Variants in RRP12 observed in about 807,000 individuals in gnomAD.
The protein encoded by RRP12 is ribosomal RNA processing 12 homolog, also known as RRP12-like protein.
A neutral mutation model predicts 157.3 loss-of-function variants in RRP12; 78 were observed. That is an observed-to-expected ratio of 0.50 (90% CI 0.41 to 0.60). RRP12 has a LOEUF of 0.60. Among genes scored for constraint, RRP12 ranks in the 20% least tolerant of loss-of-function variants. The pLI is 0.00. For synonymous variants in RRP12, 726 were observed against 670.9 expected, an observed-to-expected ratio of 1.08 and a Z score of -1.27; for missense variants, 1,521 against 1,679.9, an observed-to-expected ratio of 0.91 and a Z score of 1.65.
chr10:97,394,592 A>G (rs1162490510), intron 3 of RRP12, among the ~76,000 whole-genome samples: 1 of 152,050 alleles, frequency 6.6e-6, no homozygotes, highest in Non-Finnish European at 1.5e-5. Context: ...GTCCCACTAT[A>G]TTGCACAGGC....
chr10:97,381,630 G>A, intron 11 of RRP12, 85 bp downstream of exon 11: 1 of 1,310,976 alleles, frequency 7.6e-7, no homozygotes, highest in Non-Finnish European at 1.1e-6. Context: ...GGCCCGAGCT[G>A]GTAGCCTGGG....
rs1845017413 is a variant in RRP12, at chr10:97,397,994, T to C, written c.370-1693A>G. Among the ~76,000 whole-genome samples, 2 of 20,392 alleles carry C rather than the reference T, an allele frequency of 9.8e-5. 1 individual carries two copies. Among genetic ancestry groups the C allele is most frequent in the South Asian group, 3.1e-3 (2 of 642 alleles). The allele number at this position is 20,392 out of a possible 152,430, so 13.4% of individuals were successfully genotyped here. Reference sequence around the variant, plus strand: ...ACAAAATTGGGTAAAAAAAAATACGTATATATATATACATATATATATATA... The same window carrying C: ...ACAAAATTGGGTAAAAAAAAATACGCATATATATATACATATATATATATA... On this transcript the variant is annotated intron_variant, in intron 2 of 33. Transcript: ENST00000370992.
chr10:97,381,292 G>T, intron 12 of RRP12, 94 bp downstream of exon 12: 1 of 907,860 alleles, frequency 1.1e-6, no homozygotes, highest in Non-Finnish European at 1.7e-6. Flanking sequence ...CTGCAGGCCT[G>T]GCCCACAGTA....
intron 33 of RRP12, 51 bp downstream of exon 33, chr10:97,358,486 C>T (rs1000747209): frequency 2.9e-6 from 4 of 1,381,460 alleles, no homozygotes; most frequent in East Asian, 4.6e-5. Flanking sequence ...ACTCTGCTCC[C>T]TCATCCCCAC....
chr10:97,382,802 C>G (rs781730929), intron 10 of RRP12, among the ~76,000 whole-genome samples: 2 of 151,712 alleles, frequency 1.3e-5, no homozygotes, highest in Non-Finnish European at 2.9e-5. Flanking sequence ...CACCCTGTCA[C>G]CCAGGCTGGA....
At chr10:97,372,210 A>G (rs1300805432) in intron 19 of RRP12, 44 bp from the exon 20 acceptor site, 1 of 1,501,160 alleles carries the variant, frequency 6.7e-7, no homozygotes, top group Non-Finnish European at 9.2e-7. Flanking sequence ...GGAGCTGGAG[A>G]AGGGCGCAGA....
In RRP12 at chr10:97,385,160, C is replaced by T. The variant is rs749554878; in HGVS notation, c.1208+6G>A. On this transcript the variant is annotated splice_donor_region_variant and intron_variant, in intron 10 of 33. Transcript: ENST00000370992. ...GAGGCCCTAAGCACCCCTCCTTCAT[C>T]CGTACCTCACCAGGTTGATGTGGGC... 18 of 1,610,710 alleles carry T rather than the reference C, an allele frequency of 1.1e-5. No individual in the cohort carries two copies. The African/African-American group carries it at 2.1e-4, about 19-fold the overall frequency.
At chr10:97,390,881 C>A (rs376278639) in intron 4 of RRP12, 37 bp from the exon 5 acceptor site, 18 of 1,373,100 alleles carry the variant, frequency 1.3e-5, no homozygotes, top group Non-Finnish European at 1.9e-5. Flanking sequence ...CCCAGAGGGT[C>A]CCTGAAGAGC....
chr10:97,366,997 G>A lies in RRP12; in HGVS notation c.3047+44C>T, dbSNP rs367647984. The A allele has an allele frequency of 5.7e-5, 92 of 1,610,362 alleles. No individual in the cohort carries two copies. The South Asian group carries it at 6.7e-4, about 12-fold the overall frequency. ...GTCCCTGGTAGGACTGGAAATCCTC[G>A]GCCCCTCGCTTGCCCTACCCCCGCC... On this transcript the variant is annotated intron_variant, in intron 26 of 33. Transcript: ENST00000370992.
At chr10:97,367,407 C>T (rs28362478) in intron 25 of RRP12, 29,311 of 514,712 alleles carry the variant, frequency 0.057, 1,041 homozygotes, top group East Asian at 0.1. Context: ...GACATATATC[C>T]TCTCCTTGAA....
intron 15 of RRP12, among the ~76,000 whole-genome samples, chr10:97,377,521 T>C (rs1165601790): frequency 6.8e-6 from 1 of 146,704 alleles, no homozygotes; most frequent in African/African-American, 2.5e-5. Context: ...AGAACAAGAA[T>C]AAATGTGTAT....
intron 17 of RRP12, 68 bp downstream of exon 17, chr10:97,373,507 A>C: frequency 6.8e-7 from 1 of 1,476,070 alleles, no homozygotes; most frequent in Non-Finnish European, 9.1e-7. Flanking sequence ...GGAGTGTAGC[A>C]AGCCAGGGGA....
intron 10 of RRP12, among the ~76,000 whole-genome samples, chr10:97,382,811 G>C (rs557517615): frequency 1.3e-5 from 2 of 151,444 alleles, no homozygotes; most frequent in South Asian, 4.2e-4. Flanking sequence ...ACCCAGGCTG[G>C]AGAACAGTGG....
intron 8 of RRP12, 63 bp from the exon 9 acceptor site, chr10:97,386,056 C>T (rs2133079182): frequency 7.4e-6 from 8 of 1,079,178 alleles, no homozygotes; most frequent in Non-Finnish European, 9.7e-6. Context: ...CTGGACCCCT[C>T]AACTCCACCT....
chr10:97,389,629 C>T (rs1284880794), intron 6 of RRP12, among the ~76,000 whole-genome samples: 6 of 152,128 alleles, frequency 3.9e-5, no homozygotes, highest in Non-Finnish European at 7.3e-5. Context: ...AAGCACCTGC[C>T]GTGAGCCAGG....
intron 4 of RRP12, chr10:97,393,350 T>C (rs1050718793): frequency 1.5e-5 from 7 of 480,464 alleles, no homozygotes; most frequent in African/African-American, 1.2e-4. Context: ...TGTTTTGGAC[T>C]ATCAAATAAC....
At position 97,359,021 on chromosome 10, in the gene RRP12, A is replaced by G. The variant is rs1265101098; in HGVS notation, c.3641-11T>C. ...TGCCAGAGCCTCCAGCTACGGGGAG[A>G]ACACAGGACCATGAGTCAGGCAAAG... is the stretch of plus-strand genomic sequence containing the variant. On this transcript the variant is annotated splice_polypyrimidine_tract_variant and intron_variant, in intron 31 of 33. Transcript: ENST00000370992. The G allele has an allele frequency of 1.2e-6, 2 of 1,612,210 alleles. No individual in the cohort carries two copies. Among genetic ancestry groups the G allele is most frequent in the Non-Finnish European group, 8.5e-7 (1 of 1,178,882 alleles).
intron 5 of RRP12, 77 bp from the exon 6 acceptor site, chr10:97,390,616 A>G: frequency 7.3e-7 from 1 of 1,373,670 alleles, no homozygotes; most frequent in South Asian, 1.2e-5. Context: ...CACTGACTCC[A>G]GAAAATCGCA....
Position 97,385,966 on chromosome 10 carries a change from A to G in RRP12, c.1045T>C (p.Phe349Leu). The G allele has an allele frequency of 6.2e-7, 1 of 1,603,328 alleles. No homozygotes were observed. The highest frequency in any genetic ancestry group is 8.5e-7 in the Non-Finnish European group (1 of 1,175,178). The change falls in exon 9 of 34, where the codon TTT (phenylalanine) becomes CTT (leucine). Residue 349 changes from phenylalanine to leucine, a missense_variant. Coordinates refer to ENST00000370992, the MANE Select transcript of RRP12 (RefSeq NM_015179.4). ...GGCCTGGCGTGGAAGAGGCTGTGAA[A>G]GGCCTGCATGGCACAGGCTGTCACC... The part of the protein sequence containing the change: ...VLVTACAMQA[F>L]HSLFHARPGL...
Sources: allele counts gnomAD v4.1 joint callset (sites outside exome capture counted in the v4.1 genomes callset), GRCh38; gene constraint gnomAD v4.1.1; transcripts MANE v1.5; gene names NCBI Gene and HGNC (gene_info 2026-07-23, HGNC 2026-07-21).